CCDC170: variants seen among roughly 807,000 people sequenced by gnomAD.
CCDC170 encodes the protein coiled-coil domain containing 170.
In CCDC170, 69 loss-of-function variants were observed where a neutral mutation model predicts 72.6. The observed-to-expected ratio is 0.95, with a 90% CI of 0.78 to 1.16. The LOEUF is 1.16. CCDC170 is among the 50% of genes most tolerant of loss of function. CCDC170 has a pLI of 0.00. For missense variants in CCDC170, 852 were observed against 832.5 expected (o/e 1.02, Z -0.29); for synonymous variants, 300 against 303.9 (o/e 0.99, Z 0.13).
rs113516313 is a variant in CCDC170 at position 151,562,998 on chromosome 6, A to G, written c.775-10176A>G. 1.8e-3 allele frequency among the ~76,000 whole-genome samples: 267 copies of G among 152,336 alleles called. 2 individuals carry two copies. Among genetic ancestry groups the G allele is most frequent in the African/African-American group, 5.8e-3 (243 of 41,578 alleles). Reference sequence around the variant, plus strand: ...ACTTGGTCCTTTGGTTTTTGGCCACAGTGTGGCTGCAGGCCACCAGTATGC... The same window carrying G: ...ACTTGGTCCTTTGGTTTTTGGCCACGGTGTGGCTGCAGGCCACCAGTATGC... On this transcript the variant is annotated intron_variant, in intron 5 of 10. Coordinates refer to ENST00000239374, the MANE Select transcript of CCDC170 (RefSeq NM_025059.4).
intron 1 of CCDC170, among the ~76,000 whole-genome samples, chr6:151,515,794 G>A (rs139346087): frequency 1.7e-3 from 266 of 152,240 alleles, no homozygotes; most frequent in African/African-American, 6.0e-3. Context: ...AAAGTGTGGC[G>A]CAGTGGCTCA....
At chr6:151,497,339 C>T (rs1582997434) in intron 1 of CCDC170, among the ~76,000 whole-genome samples, 3 of 152,068 alleles carry the variant, frequency 2.0e-5, no homozygotes, top group Admixed American at 6.5e-5. Flanking sequence ...CTTGATCGCA[C>T]TACTGCACCC....
chr6:151,505,342 G>T (rs912884921), intron 1 of CCDC170, among the ~76,000 whole-genome samples: 2 of 152,122 alleles, frequency 1.3e-5, no homozygotes, highest in African/African-American at 4.8e-5. Flanking sequence ...TTCCCTTTCA[G>T]GTGGGAAAAT....
intron 5 of CCDC170, among the ~76,000 whole-genome samples, chr6:151,563,797 G>T: frequency 6.6e-6 from 1 of 152,174 alleles, no homozygotes; most frequent in Non-Finnish European, 1.5e-5. Flanking sequence ...AGAGGTGAGT[G>T]GGGCAGAGAA....
chr6:151,498,088 C>CATAT (rs765643784), intron 1 of CCDC170, among the ~76,000 whole-genome samples: 1 of 151,926 alleles, frequency 6.6e-6, no homozygotes, highest in Non-Finnish European at 1.5e-5. Context: ...AAGCCACAGA[C>CATAT]ATATGGTGGC....
rs1782376704 is a variant in CCDC170 at position 151,524,873 on chromosome 6, G to A, written c.58-11445G>A. On this transcript the variant is annotated intron_variant, in intron 1 of 10. Transcript: ENST00000239374. Reference sequence around the variant, plus strand: ...TCTAATTTACTTTATTTAAAAAACAGTATGTTTTTGAGATCTATTTATCTC... The same window carrying A: ...TCTAATTTACTTTATTTAAAAAACAATATGTTTTTGAGATCTATTTATCTC... Among the ~76,000 whole-genome samples, 3 of 149,652 alleles carry A rather than the reference G, an allele frequency of 2.0e-5. No homozygotes were observed. In the South Asian group the frequency reaches 6.3e-4, roughly 32 times the overall value.
At chr6:151,579,601 T>A (rs1484415852) in intron 6 of CCDC170, among the ~76,000 whole-genome samples, 1 of 152,152 alleles carries the variant, frequency 6.6e-6, no homozygotes, top group Non-Finnish European at 1.5e-5. Context: ...CCAGATGGGG[T>A]GAAGATGCAA....
intron 1 of CCDC170, among the ~76,000 whole-genome samples, chr6:151,507,217 C>T (rs557121446): frequency 1.2e-4 from 19 of 152,146 alleles, no homozygotes; most frequent in African/African-American, 4.6e-4. Context: ...TGCCCAATTT[C>T]GTAGAGAGAC....
chr6:151,518,841 G>C (rs1782273018), intron 1 of CCDC170, among the ~76,000 whole-genome samples: 1 of 152,154 alleles, frequency 6.6e-6, no homozygotes, highest in East Asian at 1.9e-4. Flanking sequence ...TTTAAAAGGG[G>C]AAGGGGTGTA....
intron 10 of CCDC170, among the ~76,000 whole-genome samples, chr6:151,616,243 GT>G (rs1286841809): frequency 6.6e-6 from 1 of 152,096 alleles, no homozygotes; most frequent in Admixed American, 6.6e-5. Flanking sequence ...ATCTCAAACA[GT>G]GGCACCCAGA....
intron 2 of CCDC170, among the ~76,000 whole-genome samples, chr6:151,536,853 TA>T (rs1782597149): frequency 6.7e-6 from 1 of 149,244 alleles, no homozygotes; most frequent in Non-Finnish European, 1.5e-5. Context: ...CAGTGGGATA[TA>T]GATTTAAGGC....
At chr6:151,550,841 C>T (rs535582380) in intron 5 of CCDC170, among the ~76,000 whole-genome samples, 11 of 152,130 alleles carry the variant, frequency 7.2e-5, no homozygotes, top group African/African-American at 1.9e-4. Flanking sequence ...CTAATCCCAT[C>T]GTGAGGTCCC....
chr6:151,521,843 GGGC>G (rs1782321031), intron 1 of CCDC170, among the ~76,000 whole-genome samples: 1 of 152,008 alleles, frequency 6.6e-6, no homozygotes, highest in Non-Finnish European at 1.5e-5. Context: ...AAAATTAGCT[GGGC>G]GTGGTGGCAG....
intron 1 of CCDC170, among the ~76,000 whole-genome samples, chr6:151,527,605 C>T (rs1176679731): frequency 6.6e-6 from 1 of 151,956 alleles, no homozygotes; most frequent in East Asian, 1.9e-4. Context: ...AAAACATGGA[C>T]AGTAGGGGAG....
At chr6:151,569,114 T>C (rs777422962) in intron 5 of CCDC170, among the ~76,000 whole-genome samples, 3 of 152,188 alleles carry the variant, frequency 2.0e-5, no homozygotes, top group Non-Finnish European at 4.4e-5. Flanking sequence ...GTAGGTAGAA[T>C]TAACCAACTG....
chr6:151,591,708 C>G (rs150285327), intron 7 of CCDC170, among the ~76,000 whole-genome samples: 4,114 of 152,078 alleles, frequency 0.027, 185 homozygotes, highest in African/African-American at 0.094. Flanking sequence ...TGTTAGCCAG[C>G]ATGGTCTCCA....
intron 9 of CCDC170, among the ~76,000 whole-genome samples, chr6:151,611,526 A>C (rs1047218292): frequency 6.6e-6 from 1 of 151,164 alleles, no homozygotes; most frequent in African/African-American, 2.4e-5. Context: ...TAAGAGCACT[A>C]ATCCCATTCA....
chr6:151,592,519 A>G (rs1776557193), intron 7 of CCDC170, among the ~76,000 whole-genome samples: 1 of 152,150 alleles, frequency 6.6e-6, no homozygotes, highest in African/African-American at 2.4e-5. Context: ...GTGGCAGGCA[A>G]AGAGAGAGAA....
chr6:151,509,033 A>G (rs1478067753), intron 1 of CCDC170, among the ~76,000 whole-genome samples: 1 of 142,540 alleles, frequency 7.0e-6, no homozygotes, highest in East Asian at 2.0e-4. Flanking sequence ...AAAAAAAAAA[A>G]TACAAAAATA....
Sources: allele counts gnomAD v4.1 joint callset (sites outside exome capture counted in the v4.1 genomes callset), GRCh38; gene constraint gnomAD v4.1.1; transcripts MANE v1.5; gene names NCBI Gene and HGNC (gene_info 2026-07-23, HGNC 2026-07-21).